ACO2: variants seen among roughly 807,000 people sequenced by gnomAD.
The protein encoded by ACO2 is aconitase 2, also known as aconitate hydratase, mitochondrial.
Under a neutral mutation model 84.5 loss-of-function variants are expected in ACO2, and 31 were observed. The ratio of observed to expected loss-of-function variants is 0.37; its 90% CI spans 0.28 to 0.50. ACO2 has a LOEUF of 0.50. ACO2 is among the 20% of genes least tolerant of loss of function. ACO2 has a pLI of 0.97. For missense variants in ACO2, 685 were observed against 1,029.3 expected (o/e 0.67, Z 4.58); for synonymous variants, 414 against 412.7 (o/e 1.00, Z -0.04).
intron 2 of ACO2, among the ~76,000 whole-genome samples, chr22:41,503,857 T>C (rs188700143): frequency 9.2e-5 from 14 of 152,278 alleles, no homozygotes; most frequent in African/African-American, 3.4e-4. Flanking sequence ...AATAGGTTCA[T>C]AGTGCCCTGG....
intron 1 of ACO2, among the ~76,000 whole-genome samples, chr22:41,474,850 C>T (rs2037993609): frequency 1.3e-5 from 2 of 151,988 alleles, no homozygotes; most frequent in African/African-American, 2.4e-5. Flanking sequence ...CTGCCTGCCT[C>T]GGCCTCCCAA....
chr22:41,490,857 A>G (rs987758004), intron 1 of ACO2, among the ~76,000 whole-genome samples: 7 of 151,980 alleles, frequency 4.6e-5, no homozygotes, highest in Non-Finnish European at 1.5e-5. Context: ...ACTAATTGGT[A>G]TTTATGTAAC....
intron 1 of ACO2, among the ~76,000 whole-genome samples, chr22:41,490,504 C>T (rs535158118): frequency 1.3e-5 from 2 of 152,142 alleles, no homozygotes; most frequent in Non-Finnish European, 2.9e-5. Context: ...TCAATCAGTG[C>T]CCTGTGTATG....
intron 1 of ACO2, 25 bp from the exon 2 acceptor site, chr22:41,499,701 G>A (rs1187257164): frequency 1.2e-6 from 2 of 1,608,002 alleles, no homozygotes; most frequent in African/African-American, 2.7e-5. Context: ...TCCATTGACA[G>A]TGGCTGTCAT....
At chr22:41,522,062 C>T (rs980688732) in intron 9 of ACO2, among the ~76,000 whole-genome samples, 5 of 152,196 alleles carry the variant, frequency 3.3e-5, no homozygotes, top group Admixed American at 6.5e-5. Flanking sequence ...TGTGAGCCAC[C>T]GCGCCTGGCC....
rs761685742 is a variant in ACO2 at position 41,528,529 on chromosome 22, C to T, written c.2259C>T (p.Leu753=). Residue 753 remains leucine (L), a synonymous_variant, in exon 18 of 18, where the codon CTC becomes CTT. Coordinates refer to ENST00000216254, the MANE Select transcript of ACO2 (RefSeq NM_001098.3). ...CCAACGGGACCCAGGAGACCATCCT[C>T]CTGAACCACACCTTCAACGAGACGC... ...KHPNGTQETI[L]LNHTFNETQI... is the part of the protein sequence containing the mutation. The T allele has an allele frequency of 1.2e-6, 2 of 1,612,948 alleles. No homozygotes were observed. Among genetic ancestry groups the T allele is most frequent in the African/African-American group, 1.3e-5 (1 of 74,906 alleles).
rs971338459 is a variant in ACO2 at position 41,471,020 on chromosome 22, T to C, written c.36+1838T>C. ...GAACCGAAAAGGATCTTGGAAAGTA[T>C]GAGTATTAGACTGGTGTAGAAGGAG... is the stretch of plus-strand genomic sequence containing the variant. On this transcript the variant is annotated intron_variant, in intron 1 of 17. Transcript: ENST00000216254. Among the ~76,000 whole-genome samples, 18 of 152,212 alleles carry C rather than the reference T, an allele frequency of 1.2e-4. No individual in the cohort carries two copies. In the East Asian group the frequency reaches 3.5e-3, roughly 29 times the overall value.
chr22:41,469,244 C>T, intron 1 of ACO2, 62 bp downstream of exon 1: 1 of 1,571,214 alleles, frequency 6.4e-7, no homozygotes, highest in Non-Finnish European at 8.6e-7. Context: ...GTGCCGGCGG[C>T]TGTGGGCGAG....
At chr22:41,510,589 C>A (rs1354878002) in intron 3 of ACO2, among the ~76,000 whole-genome samples, 2 of 152,182 alleles carry the variant, frequency 1.3e-5, no homozygotes, top group East Asian at 3.9e-4. Flanking sequence ...AAGCATCGCT[C>A]TCCCATGCCG....
intron 1 of ACO2, among the ~76,000 whole-genome samples, chr22:41,482,471 GGGA>G (rs2038100362): frequency 6.6e-6 from 1 of 152,240 alleles, no homozygotes; most frequent in African/African-American, 2.4e-5. Context: ...AGAGATGTGT[GGGA>G]GGTGATAGTT....
intron 1 of ACO2, among the ~76,000 whole-genome samples, chr22:41,470,045 T>A (rs752994484): frequency 6.6e-6 from 1 of 152,228 alleles, no homozygotes; most frequent in Non-Finnish European, 1.5e-5. Context: ...ATAAGTTGCT[T>A]GTCAAATATG....
chr22:41,481,826 C>A (rs1048144118), intron 1 of ACO2, among the ~76,000 whole-genome samples: 16 of 152,220 alleles, frequency 1.1e-4, no homozygotes, highest in African/African-American at 3.9e-4. Flanking sequence ...TCTTGAACTT[C>A]TTCTATGTGT....
intron 2 of ACO2, among the ~76,000 whole-genome samples, chr22:41,505,844 G>A (rs1196959777): frequency 6.6e-6 from 1 of 152,156 alleles, no homozygotes; most frequent in African/African-American, 2.4e-5. Context: ...GGTTTCACAG[G>A]TGTATACAGT....
intron 1 of ACO2, among the ~76,000 whole-genome samples, chr22:41,498,195 C>T (rs1241843349): frequency 6.6e-6 from 1 of 151,910 alleles, no homozygotes; most frequent in Non-Finnish European, 1.5e-5. Context: ...GCCTGTAGTC[C>T]CAGCTACCGA....
At chr22:41,502,716 G>T (rs2066362171) in intron 2 of ACO2, among the ~76,000 whole-genome samples, 1 of 151,988 alleles carries the variant, frequency 6.6e-6, no homozygotes, top group Non-Finnish European at 1.5e-5. Flanking sequence ...TCAAGCGATT[G>T]TCCTGCCTCA....
At chr22:41,528,345 C>CCTCTT in intron 17 of ACO2, 134 bp from the exon 18 acceptor site, 2 of 1,314,814 alleles carry the variant, frequency 1.5e-6, no homozygotes, top group Non-Finnish European at 2.1e-6. Context: ...CCATCAGGCA[C>CCTCTT]AGACTGGCCT....
In ACO2 at chr22:41,511,945, C is replaced by G. The variant is rs1298923749; in HGVS notation, c.502C>G (p.Pro168Ala). The change falls in exon 4 of 18, where the codon CCT becomes GCT. Residue 168 changes from proline to alanine, a missense_variant. Pro to Ala is a conservative substitution (Grantham distance 27). This residue lies in a region of ACO2 where 92 missense variants were observed against 203.7 expected (regional missense o/e 0.45). Coordinates refer to ENST00000216254, the MANE Select transcript of ACO2 (RefSeq NM_001098.3). ...CAAATATGGCGTGGGCTTCTGGAAG[C>G]CTGGATCTGGAATCATTCACCAGGT... is the stretch of plus-strand genomic sequence containing the variant. The part of the protein sequence containing the change: ...GAKYGVGFWK[P>A]GSGIIHQIIL... 1.9e-6 allele frequency: 3 copies of G among 1,610,568 alleles called. No homozygotes were observed. The African/African-American group carries it at 4.0e-5, about 22-fold the overall frequency.
At chr22:41,527,261 A>G (rs766874902) in intron 15 of ACO2, 27 bp from the exon 16 acceptor site, 3 of 1,613,916 alleles carry the variant, frequency 1.9e-6, no homozygotes, top group South Asian at 2.2e-5. Context: ...CCTCTGCCTT[A>G]TAACCTTACC....
chr22:41,528,088 C>CTG (rs1205633853), intron 17 of ACO2, 66 bp downstream of exon 17: 1 of 1,607,610 alleles, frequency 6.2e-7, no homozygotes, highest in Admixed American at 1.7e-5. Context: ...CCCTCCTGCA[C>CTG]TGGCCCCAGG....
Sources: allele counts gnomAD v4.1 joint callset (sites outside exome capture counted in the v4.1 genomes callset), GRCh38; gene constraint gnomAD v4.1.1; regional missense constraint gnomAD v4.1.1; transcripts MANE v1.5; gene names NCBI Gene and HGNC (gene_info 2026-07-23, HGNC 2026-07-21).